The following RARS2 variants were observed in gnomAD, a reference collection of about 807,000 sequenced individuals.
RARS2 encodes arginyl-tRNA synthetase 2, mitochondrial, also known as probable arginine--tRNA ligase, mitochondrial.
In RARS2, 67 loss-of-function variants were observed where a neutral mutation model predicts 88.5. The observed-to-expected ratio is 0.76, with a 90% CI of 0.62 to 0.93. The LOEUF is 0.93. Among genes scored for constraint, RARS2 ranks in the 40% least tolerant of loss-of-function variants. The pLI, the probability that RARS2 is intolerant of heterozygous loss-of-function variation, is 0.00. For missense variants in RARS2, 664 were observed against 684.2 expected (o/e 0.97, Z 0.33); for synonymous variants, 239 against 230.3 (o/e 1.04, Z -0.34).
At chr6:87,545,320 G>A (rs954767818) in intron 7 of RARS2, among the ~76,000 whole-genome samples, 2 of 152,172 alleles carry the variant, frequency 1.3e-5, no homozygotes, top group Non-Finnish European at 2.9e-5. Flanking sequence ...CTGGGCTCAA[G>A]TGATCCACCC....
rs574006058 is a variant in RARS2 at position 87,530,820 on chromosome 6, C to T, written c.735G>A (p.Arg245=). 9.0e-5 allele frequency: 146 copies of T among 1,614,020 alleles called. No individual in the cohort carries two copies. Among genetic ancestry groups the T allele is most frequent in the Non-Finnish European group, 1.2e-4 (139 of 1,180,020 alleles). The part of the protein sequence containing the change: ...VQALSLWQKF[R]DLSIEEYIRV... The stretch of plus-strand genomic sequence containing the variant: ...GAATGTACTCTTCAATGCTCAAGTC[C>T]CGAAATTTTTGCCACAGTGAAAGTG... Residue 245 remains arginine (R), a synonymous_variant, in exon 9 of 20, where the codon CGG becomes CGA. Transcript: ENST00000369536.
chr6:87,556,809 A>AAAAAT (rs1554204344), intron 4 of RARS2, among the ~76,000 whole-genome samples: 12 of 131,850 alleles, frequency 9.1e-5, no homozygotes, highest in African/African-American at 1.7e-4. Context: ...AAAAAAAAAA[A>AAAAAT]TTTTTTTTTT....
chr6:87,545,011 T>C (rs1309440233), intron 7 of RARS2, among the ~76,000 whole-genome samples: 1 of 152,178 alleles, frequency 6.6e-6, no homozygotes, highest in Non-Finnish European at 1.5e-5. Flanking sequence ...TAGACTTACT[T>C]CTTCCCTGTA....
chr6:87,565,931 T>G (rs959146235), intron 2 of RARS2, among the ~76,000 whole-genome samples: 1 of 152,218 alleles, frequency 6.6e-6, no homozygotes, highest in Non-Finnish European at 1.5e-5. Flanking sequence ...CTGTGTGACT[T>G]CTGGTTAACA....
intron 1 of RARS2, among the ~76,000 whole-genome samples, chr6:87,574,980 C>A (rs1392928431): frequency 6.6e-6 from 1 of 151,336 alleles, no homozygotes; most frequent in Non-Finnish European, 1.5e-5. Flanking sequence ...AATTGGTGTC[C>A]TTAAAATACA....
At chr6:87,528,741 A>G (rs1026594064) in intron 10 of RARS2, among the ~76,000 whole-genome samples, 3 of 152,184 alleles carry the variant, frequency 2.0e-5, no homozygotes, top group African/African-American at 7.2e-5. Flanking sequence ...GAATGGGGAG[A>G]TGTTGGTTAA....
intron 1 of RARS2, among the ~76,000 whole-genome samples, chr6:87,586,324 T>C (rs1775144794): frequency 6.6e-6 from 1 of 152,214 alleles, no homozygotes; most frequent in South Asian, 2.1e-4. Context: ...TATGTACATA[T>C]CATGCTTTCC....
intron 4 of RARS2, among the ~76,000 whole-genome samples, chr6:87,558,068 T>G (rs1291478962): frequency 1.3e-5 from 2 of 151,866 alleles, no homozygotes; most frequent in Non-Finnish European, 2.9e-5. Flanking sequence ...CCCCAGCTAC[T>G]TGGGAAGCTG....
Position 87,536,848 on chromosome 6 carries a change from C to A in RARS2, c.612+5070G>T, listed in dbSNP as rs373431059. On this transcript the variant is annotated intron_variant, in intron 8 of 19. Coordinates refer to ENST00000369536, the MANE Select transcript of RARS2 (RefSeq NM_020320.5). ...CTTCCCTGTTTTGTAACCAAAAAAA[C>A]CAAATTAGAATAATTAAAGAAAAAG... Among the ~76,000 whole-genome samples, 602 of 151,970 alleles carry A rather than the reference C, an allele frequency of 4.0e-3. 6 individuals are homozygous for A. Among genetic ancestry groups the A allele is most frequent in the African/African-American group, 0.013 (552 of 41,454 alleles).
intron 7 of RARS2, among the ~76,000 whole-genome samples, chr6:87,543,713 C>T (rs1272340101): frequency 6.6e-6 from 1 of 151,904 alleles, no homozygotes; most frequent in Admixed American, 6.6e-5. Context: ...TTTACTGATA[C>T]ACATTTTTCT....
intron 5 of RARS2, among the ~76,000 whole-genome samples, chr6:87,554,607 C>T (rs939605665): frequency 2.0e-5 from 3 of 152,086 alleles, no homozygotes; most frequent in Admixed American, 1.3e-4. Flanking sequence ...CAGGAGTGTG[C>T]CACCATGCAC....
chr6:87,573,623 C>CT (rs1429342591), intron 1 of RARS2, among the ~76,000 whole-genome samples: 5 of 152,036 alleles, frequency 3.3e-5, no homozygotes, highest in Admixed American at 3.3e-4. Flanking sequence ...CCTAATGCCA[C>CT]TGAACTGTAT....
At chr6:87,518,362 T>G in intron 16 of RARS2, 98 bp from the exon 17 acceptor site, 1 of 1,587,146 alleles carries the variant, frequency 6.3e-7, no homozygotes, top group Non-Finnish European at 8.6e-7. Context: ...ATACACAATT[T>G]TGGTCTCCTT....
At position 87,516,812 on chromosome 6, in the gene RARS2, G is replaced by C; in HGVS notation, c.1580C>G (p.Thr527Ser). The change falls in exon 18 of 20, where the codon ACT (threonine) becomes AGT (serine). Residue 527 changes from threonine to serine, a missense_variant. Transcript: ENST00000369536. ...QPRHIVSYLL[T>S]LSHLAAVAHK... ...CAGGAAGATTATAAAGTACCTTAAA[G>C]TTAGAAGGTAACTGACGATATGCCT... 1 of 1,613,516 alleles carries C rather than the reference G, an allele frequency of 6.2e-7. No homozygotes were observed. Among genetic ancestry groups the C allele is most frequent in the Non-Finnish European group, 8.5e-7 (1 of 1,179,696 alleles).
intron 1 of RARS2, among the ~76,000 whole-genome samples, chr6:87,579,015 A>G (rs377014247): frequency 4.1e-4 from 62 of 151,900 alleles, no homozygotes; most frequent in Middle Eastern, 3.4e-3. Context: ...GAATACATAC[A>G]ATATACCAAA....
chr6:87,580,630 T>C (rs557420668), intron 1 of RARS2, among the ~76,000 whole-genome samples: 11 of 152,138 alleles, frequency 7.2e-5, no homozygotes, highest in African/African-American at 2.4e-4. Flanking sequence ...TTTCAGATTT[T>C]TGTAGAGATG....
intron 1 of RARS2, among the ~76,000 whole-genome samples, chr6:87,573,700 CAAAA>C (rs903965403): frequency 6.6e-6 from 1 of 150,508 alleles, no homozygotes; most frequent in Non-Finnish European, 1.5e-5. Context: ...AAAAAACACA[CAAAA>C]AAAAACCAAG....
intron 7 of RARS2, among the ~76,000 whole-genome samples, chr6:87,543,577 G>A (rs1781708202): frequency 2.0e-5 from 3 of 151,990 alleles, no homozygotes. Context: ...GGAGGCGGAG[G>A]TTGCAGCGAG....
chr6:87,562,726 T>C lies in RARS2; in HGVS notation c.273A>G (p.Lys91=). ...ISTGQRTVNF[K]INRELLTKTV... The stretch of plus-strand genomic sequence containing the variant: ...CCTTTGTTAAGAGCTCTCTGTTTAT[T>C]TTGAAATTTACAGTCCTTTGACCAG... Residue 91 remains lysine, a synonymous_variant, in exon 4 of 20, where the codon AAA becomes AAG. Transcript: ENST00000369536. 1 of 1,612,848 alleles carries C rather than the reference T, an allele frequency of 6.2e-7. No homozygotes were observed. Among genetic ancestry groups the C allele is most frequent in the South Asian group, 1.1e-5 (1 of 91,062 alleles).
Sources: gnomAD v4.1 joint callset for allele counts (sites outside exome capture counted in the v4.1 genomes callset) on GRCh38, gnomAD v4.1.1 for gene constraint, MANE v1.5 for transcripts, NCBI Gene and HGNC (gene_info 2026-07-23, HGNC 2026-07-21) for gene names.